SFTA2: variants seen among roughly 807,000 people sequenced by gnomAD.
The protein encoded by SFTA2 is surfactant associated 2.
In SFTA2, 3 loss-of-function variants were observed where a neutral mutation model predicts 6.0. The observed-to-expected ratio is 0.50, with a 90% CI of 0.23 to 1.28. The LOEUF (loss-of-function observed/expected upper bound fraction) is 1.28, where lower values mean the gene tolerates loss of function less well. Ranked by LOEUF, SFTA2 falls within the 50% of genes most tolerant of loss-of-function variation. The pLI, the probability that SFTA2 is intolerant of heterozygous loss-of-function variation, is 0.19. For missense variants in SFTA2, 87 were observed against 88.5 expected, an observed-to-expected ratio of 0.98 and a Z score of 0.07; for synonymous variants, 40 against 39.3, an observed-to-expected ratio of 1.02 and a Z score of -0.07.
rs757030326 is a variant in SFTA2 at position 30,932,015 on chromosome 6, G to A, written c.61+21C>T. ...CTCTTCTTGCCACAGGGACCCAGGA[G>A]TCCTGCCCTCTAGCCCTCACCTGTT... On this transcript the variant is annotated intron_variant, in intron 1 of 2. Coordinates refer to ENST00000359086, the MANE Select transcript of SFTA2 (RefSeq NM_205854.3). This position sits in a 1 kb window ranked among gnomAD's most constrained non-coding sequence, Gnocchi z 6.5. 1 of 1,609,702 alleles carries A rather than the reference G, an allele frequency of 6.2e-7. No individual in the cohort carries two copies. Among genetic ancestry groups the A allele is most frequent in the Non-Finnish European group, 8.5e-7 (1 of 1,178,690 alleles).
chr6:30,931,470 C>T lies in SFTA2; in HGVS notation c.*18G>A. 1 of 1,548,758 alleles carries T rather than the reference C, an allele frequency of 6.5e-7. No homozygotes were observed. ...GCCCAAAAGCCCGGGCCAAGAAGGA[C>T]ACAGGCTTCAATGGCTGTCATGTGT... On this transcript the variant is annotated 3_prime_UTR_variant, in exon 3 of 3. Coordinates refer to ENST00000359086, the MANE Select transcript of SFTA2 (RefSeq NM_205854.3).
Position 30,931,513 on chromosome 6 carries a change from T to C in SFTA2, c.212A>G (p.Gln71Arg). 6.2e-7 allele frequency: 1 copy of C among 1,603,436 alleles called. No homozygotes were observed. The change falls in exon 3 of 3, where the codon CAA (glutamine) becomes CGA (arginine). Residue 71 changes from glutamine to arginine, a missense_variant. Coordinates refer to ENST00000359086, the MANE Select transcript of SFTA2 (RefSeq NM_205854.3). Reference sequence around the variant, plus strand: ...TCATGTGTTGCAGACAACATGGTGTTGAGATCTTGCATGGTGGAGGGTGAC... The same window carrying C: ...TCATGTGTTGCAGACAACATGGTGTCGAGATCTTGCATGGTGGAGGGTGAC... ...TSVTLHHARSQHHVVCNT is the reference protein window; with the variant it reads ...TSVTLHHARSRHHVVCNT
chr6:30,932,021 C>T lies in SFTA2; in HGVS notation c.61+15G>A. 1 of 1,610,240 alleles carries T rather than the reference C, an allele frequency of 6.2e-7. No homozygotes were observed. Among genetic ancestry groups the T allele is most frequent in the East Asian group, 2.2e-5 (1 of 44,836 alleles). The stretch of plus-strand genomic sequence containing the variant: ...TTGCCACAGGGACCCAGGAGTCCTG[C>T]CCTCTAGCCCTCACCTGTTCCATGT... On this transcript the variant is annotated intron_variant, in intron 1 of 2. Coordinates refer to ENST00000359086, the MANE Select transcript of SFTA2 (RefSeq NM_205854.3). This position sits in a 1 kb window ranked among gnomAD's most constrained non-coding sequence, Gnocchi z 6.5.
At chr6:30,931,917 C>A in intron 1 of SFTA2, 119 bp downstream of exon 1, 1 of 1,536,954 alleles carries the variant, frequency 6.5e-7, no homozygotes, top group Non-Finnish European at 8.9e-7. Context: ...CCCTCCAGAG[C>A]CTCTTGGAAG....
rs1482361286 is a variant in SFTA2, at chr6:30,932,099, T to TG, written c.-4dup. 1.2e-6 allele frequency: 2 copies of TG among 1,612,190 alleles called. No individual in the cohort carries two copies. The highest frequency in any genetic ancestry group is 2.2e-5 in the South Asian group (2 of 90,770). ...ACAAGGGGCAGCCCAGACCCCATAG[T>TG]GGCCACTGCGCTCCTGGGATGGAGG... On this transcript the variant is annotated 5_prime_UTR_variant, in exon 1 of 3. Coordinates refer to ENST00000359086, the MANE Select transcript of SFTA2 (RefSeq NM_205854.3). The surrounding 1 kb of genome is among the most constrained non-coding windows in gnomAD (Gnocchi z 6.5).
At position 30,931,794 on chromosome 6, in the gene SFTA2, C is replaced by T. The variant is rs2286656; in HGVS notation, c.63G>A (p.Gly21=). 296,169 of 1,612,340 alleles carry T rather than the reference C, an allele frequency of 0.18. 33,051 individuals carry two copies. Among genetic ancestry groups the T allele is most frequent in the East Asian group, 0.41 (18,300 of 44,866 alleles). The change falls in exon 2 of 3, where the codon GGG becomes GGA. Residue 21 remains glycine, a splice_region_variant and synonymous_variant. Transcript: ENST00000359086. ...LTLLGSSHGT[G]PGMTLQLKLK... ...GCTTCAGTTGCAAAGTCATACCCGG[C>T]CCTGCGGATCCAGAAGTACAGCTTA...
chr6:30,931,445 GC>G lies in SFTA2; in HGVS notation c.*42del. On this transcript the variant is annotated 3_prime_UTR_variant, in exon 3 of 3. Transcript: ENST00000359086. ...TCGGGGCCTGCCTCCTGCATCCCCGGCCCAAAAGCCCGGGCCAAGAAGGACA... is the reference window on the plus strand; with the variant it reads ...TCGGGGCCTGCCTCCTGCATCCCCGGCCAAAAGCCCGGGCCAAGAAGGACA... 2.6e-6 allele frequency: 4 copies of G among 1,516,666 alleles called. No individual in the cohort carries two copies. The highest frequency in any genetic ancestry group is 3.5e-6 in the Non-Finnish European group (4 of 1,129,602). 94.0% of individuals were successfully genotyped at this position (1,516,666 alleles called of 1,614,324 possible). A position where few individuals can be genotyped will look rare whatever the true frequency, so the allele number is the denominator to read the frequency against.
At chr6:30,931,972 C>T (rs1795161522) in intron 1 of SFTA2, 64 bp downstream of exon 1, 3 of 1,587,160 alleles carry the variant, frequency 1.9e-6, no homozygotes, top group African/African-American at 1.3e-5. Flanking sequence ...CCATGAAGTC[C>T]CACCCCTTTT....
rs374928783 is a variant in SFTA2 at position 30,931,444 on chromosome 6, G to A, written c.*44C>T. 18 of 1,514,620 alleles carry A rather than the reference G, an allele frequency of 1.2e-5. No homozygotes were observed. The highest frequency in any genetic ancestry group is 2.1e-4 in the Middle Eastern group (1 of 4,796). The allele number at this position is 1,514,620 out of a possible 1,614,324, so 93.8% of individuals were successfully genotyped here. On this transcript the variant is annotated 3_prime_UTR_variant, in exon 3 of 3. Transcript: ENST00000359086. The stretch of plus-strand genomic sequence containing the variant: ...GTCGGGGCCTGCCTCCTGCATCCCC[G>A]GCCCAAAAGCCCGGGCCAAGAAGGA...
rs1221288336 is a variant in SFTA2 at position 30,932,011 on chromosome 6, A to G, written c.61+25T>C. 1.9e-6 allele frequency: 3 copies of G among 1,608,992 alleles called. No individual in the cohort carries two copies. The highest frequency in any genetic ancestry group is 1.7e-4 in the Middle Eastern group (1 of 5,822). ...TGGCCTCTTCTTGCCACAGGGACCC[A>G]GGAGTCCTGCCCTCTAGCCCTCACC... is the stretch of plus-strand genomic sequence containing the variant. On this transcript the variant is annotated intron_variant, in intron 1 of 2. Coordinates refer to ENST00000359086, the MANE Select transcript of SFTA2 (RefSeq NM_205854.3). The surrounding 1 kb of genome is among the most constrained non-coding windows in gnomAD (Gnocchi z 6.5).
intron 1 of SFTA2, 112 bp from the exon 2 acceptor site, chr6:30,931,907 C>T: frequency 2.6e-6 from 4 of 1,529,762 alleles, no homozygotes; most frequent in Non-Finnish European, 3.6e-6. Context: ...CCAGCAATGC[C>T]CCTCCAGAGC....
At position 30,931,795 on chromosome 6, in the gene SFTA2, C is replaced by G; in HGVS notation, c.62G>C (p.Gly21Ala). The G allele has an allele frequency of 6.2e-7, 1 of 1,613,068 alleles. No individual in the cohort carries two copies. The highest frequency in any genetic ancestry group is 2.2e-5 in the East Asian group (1 of 44,892). ...CTTCAGTTGCAAAGTCATACCCGGC[C>G]CTGCGGATCCAGAAGTACAGCTTAG... The part of the protein sequence containing the change: ...LTLLGSSHGT[G>A]PGMTLQLKLK... Residue 21 changes from glycine to alanine, a missense_variant and splice_region_variant, in exon 2 of 3, where the codon GGG (glycine) becomes GCG (alanine). Gly to Ala is a moderately conservative substitution (Grantham distance 60). Transcript: ENST00000359086.
chr6:30,931,524 A>T lies in SFTA2; in HGVS notation c.201T>A (p.His67Gln), dbSNP rs1051903056. Residue 67 changes from histidine (H) to glutamine (Q), a missense_variant, in exon 3 of 3, where the codon CAT becomes CAA. His to Gln is a conservative substitution (Grantham distance 24). Transcript: ENST00000359086. ...LPSGTSVTLHHARSQHHVVCN... is the reference protein window; with the variant it reads ...LPSGTSVTLHQARSQHHVVCN... ...AGACAACATGGTGTTGAGATCTTGCATGGTGGAGGGTGACGCTGGTCCCTG... is the reference window on the plus strand; with the variant it reads ...AGACAACATGGTGTTGAGATCTTGCTTGGTGGAGGGTGACGCTGGTCCCTG... The T allele has an allele frequency of 2.5e-5, 40 of 1,607,668 alleles. No individual in the cohort carries two copies. The highest frequency in any genetic ancestry group is 3.3e-5 in the Non-Finnish European group (39 of 1,177,150).
At position 30,931,599 on chromosome 6, in the gene SFTA2, C is replaced by T. The variant is rs563425157; in HGVS notation, c.151-25G>A. On this transcript the variant is annotated intron_variant, in intron 2 of 2. Coordinates refer to ENST00000359086, the MANE Select transcript of SFTA2 (RefSeq NM_205854.3). The stretch of plus-strand genomic sequence containing the variant: ...GCTGGGAACAAAGGGTTAAAGGGCG[C>T]CATGTAAGAGAGCTCTCCATTCCCA... 563 of 1,606,510 alleles carry T rather than the reference C, an allele frequency of 3.5e-4. 7 individuals carry two copies. In the South Asian group the frequency reaches 5.7e-3, roughly 16 times the overall value.
rs546210834 is a variant in SFTA2 at position 30,931,560 on chromosome 6, G to A, written c.165C>T (p.Leu55=). ...LELLEKLCLL[L]HLPSGTSVTL... ...TGACGCTGGTCCCTGAAGGGAGATG[G>A]AGGAGGAGGCAGAGCTGGGAACAAA... is the stretch of plus-strand genomic sequence containing the variant. The change falls in exon 3 of 3, where the codon CTC becomes CTT. Residue 55 remains leucine, a synonymous_variant. Transcript: ENST00000359086. The A allele has an allele frequency of 8.9e-5, 144 of 1,610,290 alleles. No homozygotes were observed. In the South Asian group the frequency reaches 1.5e-3, roughly 17 times the overall value.
Position 30,931,379 on chromosome 6 carries a change from T to A in SFTA2, c.*109A>T, listed in dbSNP as rs1795128837. 9.5e-7 allele frequency: 1 copy of A among 1,050,956 alleles called. No individual in the cohort carries two copies. Among genetic ancestry groups the A allele is most frequent in the Non-Finnish European group, 1.3e-6 (1 of 741,522 alleles). 65.1% of individuals were successfully genotyped at this position (1,050,956 alleles called of 1,614,324 possible). On this transcript the variant is annotated 3_prime_UTR_variant, in exon 3 of 3. Transcript: ENST00000359086. Reference sequence around the variant, plus strand: ...TGAATTCAGCATACCGAATTTTATTTATTGCCGCTCAGGAGGGTGGGGGCC... The same window carrying A: ...TGAATTCAGCATACCGAATTTTATTAATTGCCGCTCAGGAGGGTGGGGGCC...
intron 2 of SFTA2, 49 bp downstream of exon 2, chr6:30,931,658 A>C: frequency 6.2e-7 from 1 of 1,611,438 alleles, no homozygotes; most frequent in Non-Finnish European, 8.5e-7. Context: ...CAGAGGCCCA[A>C]ACTGACTCAC....
Position 30,932,140 on chromosome 6 carries a change from G to A in SFTA2, c.-44C>T, listed in dbSNP as rs748806452. ...GGGATGGAGGAGACACTGAAGTCCC[G>A]GTGGCCTCTCCTTAACAGGCCTGTT... On this transcript the variant is annotated 5_prime_UTR_variant, in exon 1 of 3. Transcript: ENST00000359086. The surrounding 1 kb of genome is among the most constrained non-coding windows in gnomAD (Gnocchi z 6.5). The A allele has an allele frequency of 5.8e-5, 93 of 1,594,544 alleles. No individual in the cohort carries two copies. The highest frequency in any genetic ancestry group is 3.3e-4 in the Middle Eastern group (2 of 6,028).
Position 30,931,532 on chromosome 6 carries a change from G to A in SFTA2, c.193C>T (p.Leu65Phe), listed in dbSNP as rs753142239. 29 of 1,609,180 alleles carry A rather than the reference G, an allele frequency of 1.8e-5. No homozygotes were observed. Among genetic ancestry groups the A allele is most frequent in the Admixed American group, 3.4e-5 (2 of 59,626 alleles). The change falls in exon 3 of 3, where the codon CTC (leucine) becomes TTC (phenylalanine). Residue 65 changes from leucine (L) to phenylalanine (F), a missense_variant. Leu to Phe is a conservative substitution (Grantham distance 22). Coordinates refer to ENST00000359086, the MANE Select transcript of SFTA2 (RefSeq NM_205854.3). ...TGGTGTTGAGATCTTGCATGGTGGAGGGTGACGCTGGTCCCTGAAGGGAGA... is the reference window on the plus strand; with the variant it reads ...TGGTGTTGAGATCTTGCATGGTGGAAGGTGACGCTGGTCCCTGAAGGGAGA... ...LHLPSGTSVT[L>F]HHARSQHHVV... is the part of the protein sequence containing the mutation.
Sources: allele counts gnomAD v4.1 joint callset, GRCh38; gene constraint gnomAD v4.1.1; non-coding constraint Gnocchi (gnomAD v3.1); transcripts MANE v1.5; gene names NCBI Gene and HGNC (gene_info 2026-07-23, HGNC 2026-07-21).